Variants in FKBP3 observed in about 807,000 individuals in gnomAD.
The protein encoded by FKBP3 is FKBP prolyl isomerase 3.
Under a neutral mutation model 30.6 loss-of-function variants are expected in FKBP3, and 21 were observed. The observed-to-expected ratio is 0.69, with a 90% CI of 0.49 to 0.99. The LOEUF (loss-of-function observed/expected upper bound fraction) is 0.99, where lower values mean the gene tolerates loss of function less well. FKBP3 is among the 50% of genes least tolerant of loss of function. FKBP3 has a pLI of 0.00. For synonymous variants in FKBP3, 82 were observed against 91.3 expected (o/e 0.90, Z 0.58); for missense variants, 283 against 261.6 (o/e 1.08, Z -0.56).
At chr14:45,132,694 G>A (rs1019409822) in intron 1 of FKBP3, among the ~76,000 whole-genome samples, 1 of 151,766 alleles carries the variant, frequency 6.6e-6, no homozygotes, top group African/African-American at 2.4e-5. Flanking sequence ...TTTGGCCTCC[G>A]AAAGTGCTAG....
rs771485942 is a variant in FKBP3 at position 45,118,015 on chromosome 14, G to GA, written c.620+12dup. 84 of 1,560,748 alleles carry GA rather than the reference G, an allele frequency of 5.4e-5. 4 individuals carry two copies. The African/African-American group carries it at 5.4e-4, about 10-fold the overall frequency. ...TTTTTTCAACTTTAATTATGAAGGG[G>GA]AAAAAAGGATACTTGGCATCAGGCT... is the stretch of plus-strand genomic sequence containing the variant. On this transcript the variant is annotated intron_variant, in intron 6 of 6. Coordinates refer to ENST00000396062, the MANE Select transcript of FKBP3 (RefSeq NM_002013.4).
At chr14:45,133,617 CTTATT>C (rs1566710314) in intron 1 of FKBP3, among the ~76,000 whole-genome samples, 1 of 152,210 alleles carries the variant, frequency 6.6e-6, no homozygotes, top group East Asian at 1.9e-4. Flanking sequence ...CATGAATGAA[CTTATT>C]TTCCAAAGGA....
At chr14:45,133,348 T>A (rs1313781824) in intron 1 of FKBP3, 2 of 295,554 alleles carry the variant, frequency 6.8e-6, no homozygotes, top group African/African-American at 4.6e-5. Flanking sequence ...GCGCCTGTAG[T>A]CCTAGCTACT....
intron 3 of FKBP3, 37 bp downstream of exon 3, chr14:45,129,757 T>C: frequency 7.9e-7 from 1 of 1,262,566 alleles, no homozygotes; most frequent in South Asian, 1.4e-5. Context: ...ATTTCTAGAC[T>C]CCACATGATA....
intron 3 of FKBP3, among the ~76,000 whole-genome samples, chr14:45,128,988 ATAAACAT>A (rs1464650306): frequency 6.6e-6 from 1 of 152,228 alleles, no homozygotes; most frequent in Non-Finnish European, 1.5e-5. Flanking sequence ...ACATATACCT[ATAAACAT>A]TAATTTGTGC....
chr14:45,124,270 C>T (rs905857775), intron 3 of FKBP3, among the ~76,000 whole-genome samples: 5 of 152,176 alleles, frequency 3.3e-5, no homozygotes, highest in Non-Finnish European at 5.9e-5. Flanking sequence ...GTTACTCACA[C>T]CTGTAAACCC....
intron 3 of FKBP3, among the ~76,000 whole-genome samples, chr14:45,126,770 G>A (rs961274592): frequency 2.6e-5 from 4 of 152,080 alleles, no homozygotes; most frequent in Non-Finnish European, 4.4e-5. Flanking sequence ...GATCACTGGA[G>A]CCCACGAGTT....
chr14:45,126,360 C>T (rs1398219759), intron 3 of FKBP3, among the ~76,000 whole-genome samples: 1 of 151,878 alleles, frequency 6.6e-6, no homozygotes, highest in South Asian at 2.1e-4. Context: ...TTGTGGTGTG[C>T]GCCTGTAATC....
intron 6 of FKBP3, among the ~76,000 whole-genome samples, chr14:45,116,960 T>A (rs1187604145): frequency 2.6e-5 from 4 of 152,046 alleles, no homozygotes; most frequent in Non-Finnish European, 5.9e-5. Context: ...GAGCTGCAGC[T>A]GACCATTTGA....
intron 5 of FKBP3, among the ~76,000 whole-genome samples, chr14:45,118,756 G>C (rs1329382942): frequency 1.3e-5 from 2 of 152,146 alleles, no homozygotes; most frequent in African/African-American, 4.8e-5. Flanking sequence ...GGACAAACGA[G>C]TTTATTTTTA....
At chr14:45,119,831 G>T (rs913386561) in intron 5 of FKBP3, among the ~76,000 whole-genome samples, 4 of 151,732 alleles carry the variant, frequency 2.6e-5, no homozygotes, top group Non-Finnish European at 5.9e-5. Context: ...GGGACTACAG[G>T]CAAGTGCCAC....
At position 45,115,873 on chromosome 14, in the gene FKBP3, A is replaced by G; in HGVS notation, c.*325T>C. 4.3e-6 allele frequency: 1 copy of G among 230,156 alleles called. No homozygotes were observed. 14.3% of individuals were successfully genotyped at this position (230,156 alleles called of 1,614,324 possible). A position where few individuals can be genotyped will look rare whatever the true frequency, so the allele number is the denominator to read the frequency against. ...CCAATTCCCTAATCAGAACAATAAT[A>G]TATTAACACCAAACAAATCACAGTC... On this transcript the variant is annotated 3_prime_UTR_variant, in exon 7 of 7. Transcript: ENST00000396062.
intron 5 of FKBP3, among the ~76,000 whole-genome samples, chr14:45,120,194 A>G (rs577871688): frequency 5.7e-4 from 87 of 152,318 alleles, no homozygotes; most frequent in African/African-American, 1.9e-3. Context: ...AAAACAAACA[A>G]TGGGCACAAT....
chr14:45,116,277 T>A, intron 6 of FKBP3, 25 bp from the exon 7 acceptor site: 1 of 1,586,336 alleles, frequency 6.3e-7, no homozygotes, highest in South Asian at 1.1e-5. Flanking sequence ...AAGGTACATT[T>A]GATAAAAAGT....
intron 1 of FKBP3, among the ~76,000 whole-genome samples, chr14:45,131,420 T>A (rs528314602): frequency 1.8e-4 from 28 of 151,818 alleles, no homozygotes; most frequent in Non-Finnish European, 2.2e-4. Context: ...TCACCTGAGG[T>A]CAGGAGTTTG....
intron 5 of FKBP3, among the ~76,000 whole-genome samples, chr14:45,120,212 C>G (rs1884953988): frequency 6.6e-6 from 1 of 152,180 alleles, no homozygotes; most frequent in Admixed American, 6.5e-5. Flanking sequence ...AATGGGCAGG[C>G]CTTAGCATGA....
At chr14:45,125,273 A>G (rs776044882) in intron 3 of FKBP3, among the ~76,000 whole-genome samples, 5 of 152,258 alleles carry the variant, frequency 3.3e-5, no homozygotes, top group Non-Finnish European at 7.3e-5. Context: ...CTTGGGAAGC[A>G]AAAGTAGAAG....
intron 1 of FKBP3, among the ~76,000 whole-genome samples, chr14:45,132,624 T>A (rs1036590570): frequency 6.6e-6 from 1 of 151,992 alleles, no homozygotes; most frequent in Non-Finnish European, 1.5e-5. Context: ...TGGTCCTCAA[T>A]GCCTGGCCTC....
At chr14:45,127,868 A>T (rs1397526120) in intron 3 of FKBP3, among the ~76,000 whole-genome samples, 2 of 152,198 alleles carry the variant, frequency 1.3e-5, no homozygotes, top group East Asian at 3.9e-4. Context: ...AATGCTTGAA[A>T]ATGGAAAAGG....
Sources: allele counts gnomAD v4.1 joint callset (sites outside exome capture counted in the v4.1 genomes callset), GRCh38; gene constraint gnomAD v4.1.1; transcripts MANE v1.5; gene names NCBI Gene and HGNC (gene_info 2026-07-23, HGNC 2026-07-21).